ATP8A2: variants seen among roughly 807,000 people sequenced by gnomAD.
The protein encoded by ATP8A2 is ATPase phospholipid transporting 8A2, also known as phospholipid-transporting ATPase IB.
Under a neutral mutation model 165.6 loss-of-function variants are expected in ATP8A2, and 100 were observed. That is an observed-to-expected ratio of 0.60 (90% CI 0.51 to 0.71). The LOEUF (loss-of-function observed/expected upper bound fraction) is 0.71, where lower values mean the gene tolerates loss of function less well. Among genes scored for constraint, ATP8A2 ranks in the 30% least tolerant of loss-of-function variants. The pLI, the probability that ATP8A2 is intolerant of heterozygous loss-of-function variation, is 0.00. For synonymous variants in ATP8A2, 543 were observed against 548.8 expected (o/e 0.99, Z 0.15); for missense variants, 1,227 against 1,479.5 (o/e 0.83, Z 2.80).
chr13:25,875,984 A>G (rs1952811121), intron 33 of ATP8A2, among the ~76,000 whole-genome samples: 1 of 152,210 alleles, frequency 6.6e-6, no homozygotes, highest in Non-Finnish European at 1.5e-5. Context: ...CTAAACCAAC[A>G]CATGGTTGGG....
chr13:25,745,031 C>T (rs1274195691), intron 25 of ATP8A2, among the ~76,000 whole-genome samples: 1 of 152,100 alleles, frequency 6.6e-6, no homozygotes, highest in East Asian at 1.9e-4. Flanking sequence ...ACCTCCGCCT[C>T]CCAGGTTCAA....
intron 33 of ATP8A2, among the ~76,000 whole-genome samples, chr13:25,939,768 G>T (rs1955018386): frequency 6.6e-6 from 1 of 152,148 alleles, no homozygotes; most frequent in Non-Finnish European, 1.5e-5. Flanking sequence ...GCTGCCTCCT[G>T]CCACCATCCC....
In ATP8A2 at chr13:25,543,291, C is replaced by G. The variant is rs1221321262; in HGVS notation, c.780C>G (p.Ser260Arg). The change falls in exon 10 of 37, where the codon AGC (serine) becomes AGG (arginine). Residue 260 changes from serine (S) to arginine (R), a missense_variant and splice_region_variant. Ser to Arg is a moderately radical substitution (Grantham distance 110). This residue lies in a region of ATP8A2 where 356 missense variants were observed against 394.9 expected (regional missense o/e 0.90). Coordinates refer to ENST00000381655, the MANE Select transcript of ATP8A2 (RefSeq NM_016529.6). ...TATCATTGTTGTTTTTTATTTTTAG[C>G]CTTGTTGCCCTTGGGCCTGACCAGA... The part of the protein sequence containing the change: ...FTGNLNLDGK[S>R]LVALGPDQIL... 1 of 1,574,174 alleles carries G rather than the reference C, an allele frequency of 6.4e-7. No homozygotes were observed. Among genetic ancestry groups the G allele is most frequent in the Admixed American group, 1.7e-5 (1 of 57,716 alleles).
intron 33 of ATP8A2, chr13:25,868,270 G>C (rs1952571974): frequency 1.2e-5 from 4 of 342,484 alleles, no homozygotes; most frequent in South Asian, 2.2e-5. Flanking sequence ...TAGTTTTTTA[G>C]ATAACATTCC....
chr13:25,923,795 G>A (rs1057197097), intron 33 of ATP8A2, among the ~76,000 whole-genome samples: 2 of 152,098 alleles, frequency 1.3e-5, no homozygotes, highest in Non-Finnish European at 2.9e-5. Context: ...TCATCTTTCT[G>A]TAGACATGGG....
At chr13:25,828,085 A>G (rs763148004) in intron 27 of ATP8A2, 33 bp from the exon 28 acceptor site, 1 of 1,551,774 alleles carries the variant, frequency 6.4e-7, no homozygotes, top group African/African-American at 1.4e-5. Context: ...GTCAATATTG[A>G]TATAAAACTT....
chr13:25,400,799 G>A (rs528211546), intron 1 of ATP8A2, among the ~76,000 whole-genome samples: 34 of 152,318 alleles, frequency 2.2e-4, no homozygotes, highest in African/African-American at 6.5e-4. Context: ...ACTGGCTTAC[G>A]GGAAGGCCTT....
intron 24 of ATP8A2, among the ~76,000 whole-genome samples, chr13:25,631,821 C>T (rs1485506493): frequency 1.3e-5 from 2 of 152,112 alleles, no homozygotes; most frequent in Admixed American, 6.6e-5. Context: ...AAGTGTTTTG[C>T]GTACTCTCAC....
chr13:25,551,304 G>A (rs2038814716), intron 10 of ATP8A2, 34 bp from the exon 11 acceptor site: 1 of 1,591,790 alleles, frequency 6.3e-7, no homozygotes, highest in African/African-American at 1.3e-5. Flanking sequence ...AATCTGTTCT[G>A]TGACCCTTAC....
chr13:25,462,536 C>T (rs2035531979), intron 1 of ATP8A2, among the ~76,000 whole-genome samples: 1 of 152,202 alleles, frequency 6.6e-6, no homozygotes, highest in South Asian at 2.1e-4. Context: ...TGATGTGAAT[C>T]ACCAACCTGG....
intron 2 of ATP8A2, among the ~76,000 whole-genome samples, chr13:25,493,889 C>T (rs898381525): frequency 3.9e-5 from 6 of 152,046 alleles, no homozygotes; most frequent in African/African-American, 1.4e-4. Context: ...AGTAGGTGAG[C>T]TCAGGTGCAA....
intron 35 of ATP8A2, among the ~76,000 whole-genome samples, chr13:25,989,378 A>T (rs1047397744): frequency 7.2e-5 from 11 of 152,228 alleles, no homozygotes; most frequent in Admixed American, 3.3e-4. Context: ...CAATGATTCA[A>T]ACTGGATCCA....
intron 33 of ATP8A2, among the ~76,000 whole-genome samples, chr13:25,923,574 A>T (rs766026302): frequency 6.6e-5 from 10 of 151,944 alleles, no homozygotes; most frequent in Non-Finnish European, 1.5e-4. Flanking sequence ...TCCAGATCCC[A>T]TCCTGCCATG....
intron 30 of ATP8A2, among the ~76,000 whole-genome samples, chr13:25,840,511 G>A (rs1325411561): frequency 6.6e-6 from 1 of 152,202 alleles, no homozygotes; most frequent in Non-Finnish European, 1.5e-5. Flanking sequence ...TATGCCACGT[G>A]ATATAGTCTT....
intron 1 of ATP8A2, among the ~76,000 whole-genome samples, chr13:25,465,675 C>CTTTCTTTT (rs1555274848): frequency 0.023 from 180 of 7,730 alleles, 5 homozygotes; most frequent in African/African-American, 0.046. Context: ...TTCTTTCTTT[C>CTTTCTTTT]TTTCTTTCTT....
At chr13:25,809,175 G>C (rs1427238723) in intron 27 of ATP8A2, among the ~76,000 whole-genome samples, 2 of 152,076 alleles carry the variant, frequency 1.3e-5, no homozygotes, top group Non-Finnish European at 2.9e-5. Flanking sequence ...AGACACAGGG[G>C]CCTCTGAAAT....
intron 33 of ATP8A2, among the ~76,000 whole-genome samples, chr13:25,959,675 A>G (rs1192734284): frequency 1.3e-5 from 2 of 152,234 alleles, no homozygotes; most frequent in African/African-American, 4.8e-5. Context: ...CAGTGGCAGT[A>G]GAATACGACA....
chr13:26,018,074 C>A (rs187634882), intron 36 of ATP8A2, among the ~76,000 whole-genome samples: 1 of 152,340 alleles, frequency 6.6e-6, no homozygotes, highest in East Asian at 1.9e-4. Context: ...CCTCCTGTGG[C>A]CTCACTGGTC....
intron 1 of ATP8A2, among the ~76,000 whole-genome samples, chr13:25,409,551 A>C (rs2033905903): frequency 6.6e-6 from 1 of 152,232 alleles, no homozygotes; most frequent in Admixed American, 6.5e-5. Flanking sequence ...AGCTTCAGAC[A>C]GAGCAAAAAC....
Sources: gnomAD v4.1 joint callset for allele counts (sites outside exome capture counted in the v4.1 genomes callset) on GRCh38, gnomAD v4.1.1 for gene constraint, gnomAD v4.1.1 regional missense constraint, MANE v1.5 for transcripts, NCBI Gene and HGNC (gene_info 2026-07-23, HGNC 2026-07-21) for gene names.